Variants in PARD6B observed in about 807,000 individuals in gnomAD.
The protein encoded by PARD6B is partitioning defective 6 homolog beta.
In PARD6B, 4 loss-of-function variants were observed where a neutral mutation model predicts 10.5. That is an observed-to-expected ratio of 0.38 (90% confidence interval 0.19 to 0.87). The LOEUF is 0.87. PARD6B is among the 40% of genes least tolerant of loss of function. The probability of loss-of-function intolerance (pLI) is 0.41; values close to 1 mark genes in which losing one functional copy is unlikely to be tolerated. For missense variants in PARD6B, 396 were observed against 470.6 expected (o/e 0.84, Z 1.47); for synonymous variants, 169 against 170.4 (o/e 0.99, Z 0.07).
rs953428006 is a variant in PARD6B, at chr20:50,753,333, C to T, written c.*2845C>T. 1.0e-6 allele frequency: 1 copy of T among 984,850 alleles called. No homozygotes were observed. The highest frequency in any genetic ancestry group is 1.2e-6 in the Non-Finnish European group (1 of 829,230). The allele number at this position is 984,850 out of a possible 1,614,324, so 61.0% of individuals were successfully genotyped here. A position where few individuals can be genotyped will look rare whatever the true frequency, so the allele number is the denominator to read the frequency against. Reference sequence around the variant, plus strand: ...TAGATATATTGTAAAACCAATAGATCCTGGTTATACGATAAAATATCAGCT... The same window carrying T: ...TAGATATATTGTAAAACCAATAGATTCTGGTTATACGATAAAATATCAGCT... On this transcript the variant is annotated 3_prime_UTR_variant, in exon 3 of 3. Coordinates refer to ENST00000371610, the MANE Select transcript of PARD6B (RefSeq NM_032521.3).
Position 50,750,906 on chromosome 20 carries a change from T to TGG in PARD6B, c.*421_*422dup, listed in dbSNP as rs934558054. On this transcript the variant is annotated 3_prime_UTR_variant, in exon 3 of 3. Transcript: ENST00000371610. ...AGTCTGATTCTCTCTTGTGGTACAT[T>TGG]GGGGACCTCAGCTCTTAAAGGTCTC... The TGG allele has an allele frequency of 3.1e-4, 305 of 983,224 alleles. No homozygotes were observed. The highest frequency in any genetic ancestry group is 1.1e-3 in the Middle Eastern group (2 of 1,902). 60.9% of individuals were successfully genotyped at this position (983,224 alleles called of 1,614,324 possible).
In PARD6B at chr20:50,751,251, T is replaced by A. The variant is rs1600821233; in HGVS notation, c.*763T>A. 2 of 971,718 alleles carry A rather than the reference T, an allele frequency of 2.1e-6. No individual in the cohort carries two copies. The highest frequency in any genetic ancestry group is 2.4e-6 in the Non-Finnish European group (2 of 819,842). The allele number at this position is 971,718 out of a possible 1,614,324, so 60.2% of individuals were successfully genotyped here. A position where few individuals can be genotyped will look rare whatever the true frequency, so the allele number is the denominator to read the frequency against. ...CAAAATGCTAGGATTAGAGCCACCATGCCCAGCCTATTTTGATTTTTGTTT... is the reference window on the plus strand; with the variant it reads ...CAAAATGCTAGGATTAGAGCCACCAAGCCCAGCCTATTTTGATTTTTGTTT... On this transcript the variant is annotated 3_prime_UTR_variant, in exon 3 of 3. Transcript: ENST00000371610.
At chr20:50,734,981 A>T (rs1203119008) in intron 1 of PARD6B, among the ~76,000 whole-genome samples, 2 of 152,120 alleles carry the variant, frequency 1.3e-5, no homozygotes, top group Non-Finnish European at 2.9e-5. Flanking sequence ...GAAACCCTGT[A>T]TCTACTAAAA....
intron 2 of PARD6B, among the ~76,000 whole-genome samples, chr20:50,738,930 CA>C (rs1350659070): frequency 1.3e-5 from 2 of 151,198 alleles, no homozygotes; most frequent in African/African-American, 4.9e-5. Context: ...CAAGAATTTT[CA>C]AATGTATTTT....
chr20:50,731,912 C>A, intron 1 of PARD6B, 60 bp downstream of exon 1: 1 of 1,317,540 alleles, frequency 7.6e-7, no homozygotes, highest in South Asian at 2.0e-5. Context: ...CTGGGAGAGG[C>A]CGGGCCAGGC....
chr20:50,732,898 A>G (rs2087479459), intron 1 of PARD6B, among the ~76,000 whole-genome samples: 2 of 120,508 alleles, frequency 1.7e-5, no homozygotes, highest in African/African-American at 6.2e-5. Context: ...TTGAAAGTAT[A>G]TCAATTTCAA....
Position 50,752,418 on chromosome 20 carries a change from A to G in PARD6B, c.*1930A>G. On this transcript the variant is annotated 3_prime_UTR_variant, in exon 3 of 3. Coordinates refer to ENST00000371610, the MANE Select transcript of PARD6B (RefSeq NM_032521.3). Reference sequence around the variant, plus strand: ...GAAAACTACATAGTATTCACCTGTGACAGGTAGAGTTTATCACTATTAATT... The same window carrying G: ...GAAAACTACATAGTATTCACCTGTGGCAGGTAGAGTTTATCACTATTAATT... The G allele has an allele frequency of 3.0e-6, 3 of 985,728 alleles. No homozygotes were observed. Among genetic ancestry groups the G allele is most frequent in the Non-Finnish European group, 3.6e-6 (3 of 829,870 alleles). 61.1% of individuals were successfully genotyped at this position (985,728 alleles called of 1,614,324 possible).
intron 1 of PARD6B, among the ~76,000 whole-genome samples, chr20:50,735,178 AG>A (rs2087493434): frequency 6.6e-6 from 1 of 152,218 alleles, no homozygotes; most frequent in East Asian, 1.9e-4. Flanking sequence ...GCAATAAAGC[AG>A]TAGTGTCAAC....
chr20:50,733,314 C>T (rs1355622097), intron 1 of PARD6B, among the ~76,000 whole-genome samples: 2 of 152,182 alleles, frequency 1.3e-5, no homozygotes, highest in African/African-American at 2.4e-5. Context: ...ATCCCAGCTA[C>T]TTGAGAGGCT....
chr20:50,743,633 A>G (rs2123704289), intron 2 of PARD6B, among the ~76,000 whole-genome samples: 1 of 152,336 alleles, frequency 6.6e-6, no homozygotes, highest in East Asian at 1.9e-4. Flanking sequence ...TACAGCCTGT[A>G]ATCCCAGCAT....
Position 50,750,189 on chromosome 20 carries a change from C to A in PARD6B, c.820C>A (p.Leu274Ile). 6.2e-7 allele frequency: 1 copy of A among 1,614,208 alleles called. No homozygotes were observed. Among genetic ancestry groups the A allele is most frequent in the Non-Finnish European group, 8.5e-7 (1 of 1,180,036 alleles). The change falls in exon 3 of 3, where the codon CTT becomes ATT. Residue 274 changes from leucine (L) to isoleucine (I), a missense_variant. This residue lies in a region of PARD6B where 188 missense variants were observed against 169.7 expected (regional missense o/e 1.11). Transcript: ENST00000371610. Reference protein sequence around the residue: ...SSGQSTDNSLLGYPQQIEPSF... With the variant: ...SSGQSTDNSLIGYPQQIEPSF... ...CGGTCAGTCTACTGATAACAGCCTT[C>A]TTGGCTACCCACAGCAGATTGAACC...
chr20:50,747,492 T>TC (rs1460318445), intron 2 of PARD6B, among the ~76,000 whole-genome samples: 4 of 141,334 alleles, frequency 2.8e-5, no homozygotes, highest in South Asian at 2.3e-4. Flanking sequence ...TTTCTTTCTT[T>TC]TTTTTTTTTT....
Position 50,751,925 on chromosome 20 carries a change from A to G in PARD6B, c.*1437A>G, listed in dbSNP as rs2123710536. ...CACCATGTTGGTCAGGTGGGTCTCA[A>G]ACTCCTGACCTCAAGTGATCCGCCC... On this transcript the variant is annotated 3_prime_UTR_variant, in exon 3 of 3. Transcript: ENST00000371610. 1 of 942,798 alleles carries G rather than the reference A, an allele frequency of 1.1e-6. No homozygotes were observed. Among genetic ancestry groups the G allele is most frequent in the Non-Finnish European group, 1.3e-6 (1 of 791,546 alleles). The allele number at this position is 942,798 out of a possible 1,614,324, so 58.4% of individuals were successfully genotyped here. A position where few individuals can be genotyped will look rare whatever the true frequency, so the allele number is the denominator to read the frequency against.
At chr20:50,740,109 G>A (rs1467859139) in intron 2 of PARD6B, among the ~76,000 whole-genome samples, 2 of 152,132 alleles carry the variant, frequency 1.3e-5, no homozygotes, top group Non-Finnish European at 2.9e-5. Context: ...ATTAGAAATG[G>A]TAGACAAAAG....
intron 2 of PARD6B, among the ~76,000 whole-genome samples, chr20:50,744,105 CTT>C (rs753435244): frequency 1.3e-5 from 1 of 77,828 alleles, no homozygotes; most frequent in Non-Finnish European, 2.3e-5. Context: ...GAAGTAGCTT[CTT>C]TTTTTTTTTT....
At chr20:50,747,881 A>G (rs1300040868) in intron 2 of PARD6B, among the ~76,000 whole-genome samples, 3 of 152,228 alleles carry the variant, frequency 2.0e-5, no homozygotes, top group African/African-American at 7.2e-5. Flanking sequence ...TATGCCATCT[A>G]AATGAGGCAG....
chr20:50,733,444 A>G (rs2087483180), intron 1 of PARD6B, among the ~76,000 whole-genome samples: 2 of 152,146 alleles, frequency 1.3e-5, no homozygotes, highest in Non-Finnish European at 1.5e-5. Flanking sequence ...AACAAAACAA[A>G]AACAAAAACG....
intron 2 of PARD6B, among the ~76,000 whole-genome samples, chr20:50,747,828 A>G (rs2087577743): frequency 6.6e-6 from 1 of 152,102 alleles, no homozygotes; most frequent in Non-Finnish European, 1.5e-5. Flanking sequence ...TAAAAACAAG[A>G]CTTTCTGGCA....
chr20:50,750,476 C>G lies in PARD6B; in HGVS notation c.1107C>G (p.Ile369Met), dbSNP rs753167340. 6.2e-7 allele frequency: 1 copy of G among 1,611,654 alleles called. No individual in the cohort carries two copies. The highest frequency in any genetic ancestry group is 8.5e-7 in the Non-Finnish European group (1 of 1,178,572). The change falls in exon 3 of 3, where the codon ATC becomes ATG. Residue 369 changes from isoleucine (I) to methionine (M), a missense_variant. Transcript: ENST00000371610. ...AACTCTTAGAAGAAGATGGAACAAT[C>G]ATAACATTATGAAACCGTGGTTTGA... ...DQKLLEEDGT[I>M]ITL
Sources: gnomAD v4.1 joint callset for allele counts (sites outside exome capture counted in the v4.1 genomes callset) on GRCh38, gnomAD v4.1.1 for gene constraint, gnomAD v4.1.1 regional missense constraint, MANE v1.5 for transcripts, NCBI Gene and HGNC (gene_info 2026-07-23, HGNC 2026-07-21) for gene names.